The following ANKRD62 variants were observed in gnomAD, a reference collection of about 807,000 sequenced individuals.
ANKRD62 encodes ankyrin repeat domain 62, also known as ankyrin repeat domain-containing protein 62.
Under a neutral mutation model 98.8 loss-of-function variants are expected in ANKRD62, and 61 were observed. The observed-to-expected ratio is 0.62, with a 90% CI of 0.50 to 0.76. The LOEUF is 0.76. Ranked by LOEUF, ANKRD62 falls within the 30% of genes least tolerant of loss-of-function variation. The pLI is 0.00. For missense variants in ANKRD62, 933 were observed against 1,082.9 expected (o/e 0.86, Z 1.94); for synonymous variants, 341 against 367.9 (o/e 0.93, Z 0.84).
chr18:12,102,414 A>T, intron 6 of ANKRD62: 1 of 515,418 alleles, frequency 1.9e-6, no homozygotes. Flanking sequence ...GTTCGCAGCA[A>T]CAGAGCTCAG....
intron 8 of ANKRD62, among the ~76,000 whole-genome samples, chr18:12,108,439 A>G (rs968694030): frequency 1.3e-5 from 2 of 152,076 alleles, no homozygotes; most frequent in African/African-American, 4.8e-5. Flanking sequence ...CACTATCACA[A>G]GAACAGCATG....
chr18:12,158,966 T>C, the ANKRD62 span, among the ~76,000 whole-genome samples: 5 of 152,326 alleles, frequency 3.3e-5, no homozygotes, highest in South Asian at 2.1e-4. Flanking sequence ...TTTTAAAATA[T>C]GGGGCCTAGT....
At chr18:12,160,014 C>T in the ANKRD62 span, among the ~76,000 whole-genome samples, 6 of 152,070 alleles carry the variant, frequency 3.9e-5, no homozygotes, top group Non-Finnish European at 5.9e-5. Context: ...AGGAATGGAA[C>T]GTGATCTTTC....
chr18:12,115,211 A>G, intron 9 of ANKRD62, 90 bp downstream of exon 9: 5 of 1,313,914 alleles, frequency 3.8e-6, no homozygotes, highest in Non-Finnish European at 5.0e-6. Context: ...CTGTAAAGAC[A>G]TTGACTTTGA....
intron 8 of ANKRD62, among the ~76,000 whole-genome samples, chr18:12,111,338 A>G (rs1714730378): frequency 6.6e-6 from 1 of 152,200 alleles, no homozygotes; most frequent in Non-Finnish European, 1.5e-5. Flanking sequence ...CAATAGATTC[A>G]GAAATGTCTT....
downstream of ANKRD62, among the ~76,000 whole-genome samples, chr18:12,134,149 G>C (rs140854672): frequency 4.3e-3 from 648 of 152,262 alleles, 3 homozygotes; most frequent in African/African-American, 0.014. Flanking sequence ...GCTTTCCTCA[G>C]GAGCACTGGC....
chr18:12,154,636 A>C, the ANKRD62 span, among the ~76,000 whole-genome samples: 2 of 152,210 alleles, frequency 1.3e-5, no homozygotes, highest in South Asian at 4.1e-4. Flanking sequence ...CCAGAGAAAT[A>C]TAAAGCATTC....
rs1909934509 is a variant in ANKRD62 at position 12,128,270 on chromosome 18, T to G, written c.*331T>G. On this transcript the variant is annotated 3_prime_UTR_variant, in exon 14 of 14. Transcript: ENST00000587848. Reference sequence around the variant, plus strand: ...TGGAATGTTTCAGAAAATTTTCTTTTTTTAATCTCTACTTTTCTGTGTGAA... The same window carrying G: ...TGGAATGTTTCAGAAAATTTTCTTTGTTTAATCTCTACTTTTCTGTGTGAA... The G allele has an allele frequency of 6.4e-6, 1 of 155,568 alleles. No individual in the cohort carries two copies. Among genetic ancestry groups the G allele is most frequent in the Non-Finnish European group, 1.4e-5 (1 of 70,412 alleles). The allele number at this position is 155,568 out of a possible 1,614,324, so 9.6% of individuals were successfully genotyped here. A position where few individuals can be genotyped will look rare whatever the true frequency, so the allele number is the denominator to read the frequency against.
chr18:12,104,502 A>G (rs914405571), intron 7 of ANKRD62, among the ~76,000 whole-genome samples: 1 of 152,100 alleles, frequency 6.6e-6, no homozygotes, highest in African/African-American at 2.4e-5. Context: ...TATATACAAG[A>G]CTCCCTTATG....
At chr18:12,132,698 A>G (rs908136175), downstream of ANKRD62, among the ~76,000 whole-genome samples, 13 of 152,024 alleles carry the variant, frequency 8.6e-5, no homozygotes, top group African/African-American at 2.2e-4. Flanking sequence ...AAAATGTTCA[A>G]TTTTCTCAAA....
chr18:12,133,384 A>C (rs1015087744), downstream of ANKRD62, among the ~76,000 whole-genome samples: 1 of 152,186 alleles, frequency 6.6e-6, no homozygotes, highest in Non-Finnish European at 1.5e-5. Context: ...ATATGTGGAC[A>C]TATGTTCCTC....
At chr18:12,121,750 C>T (rs1162919162) in intron 10 of ANKRD62, among the ~76,000 whole-genome samples, 1 of 152,212 alleles carries the variant, frequency 6.6e-6, no homozygotes, top group Non-Finnish European at 1.5e-5. Context: ...TGACGACCAT[C>T]TTCATTATCT....
At chr18:12,154,859 A>G in the ANKRD62 span, among the ~76,000 whole-genome samples, 1 of 152,224 alleles carries the variant, frequency 6.6e-6, no homozygotes, top group Admixed American at 6.5e-5. Flanking sequence ...TTAACAAACT[A>G]ATGCAGGAAC....
At chr18:12,111,913 C>T (rs1394099940) in intron 8 of ANKRD62, among the ~76,000 whole-genome samples, 1 of 151,918 alleles carries the variant, frequency 6.6e-6, no homozygotes, top group African/African-American at 2.4e-5. Context: ...AGTTTGAAAC[C>T]AGCCTGGCCA....
At chr18:12,156,291 G>A in the ANKRD62 span, among the ~76,000 whole-genome samples, 6 of 152,184 alleles carry the variant, frequency 3.9e-5, no homozygotes, top group African/African-American at 1.2e-4. Context: ...GTATTTTTCT[G>A]TAGCAACATG....
At chr18:12,102,305 A>G (rs1396862645) in intron 6 of ANKRD62, 1 of 721,480 alleles carries the variant, frequency 1.4e-6, no homozygotes, top group East Asian at 2.6e-5. Flanking sequence ...GGGAACCAGA[A>G]TGGTGGCTTG....
downstream of ANKRD62, among the ~76,000 whole-genome samples, chr18:12,133,706 A>G (rs1024006575): frequency 6.6e-6 from 1 of 152,096 alleles, no homozygotes; most frequent in Non-Finnish European, 1.5e-5. Context: ...TCCTTTGACC[A>G]TGTTTTAATT....
chr18:12,115,075 GTT>G lies in ANKRD62; in HGVS notation c.1065-4_1065-3del. ...CTATTTGCCTGATTGGAATTTTTTG[GTT>G]TTTTTTTTAGGCTTGCAAGGAAAAC... On this transcript the variant is annotated splice_polypyrimidine_tract_variant and intron_variant, in intron 8 of 13. Coordinates refer to ENST00000587848, the MANE Select transcript of ANKRD62 (RefSeq NM_001277333.2). 9.2e-6 allele frequency: 11 copies of G among 1,198,658 alleles called. No homozygotes were observed. Among genetic ancestry groups the G allele is most frequent in the South Asian group, 4.3e-5 (2 of 46,252 alleles). The allele number at this position is 1,198,658 out of a possible 1,614,324, so 74.3% of individuals were successfully genotyped here. A position where few individuals can be genotyped will look rare whatever the true frequency, so the allele number is the denominator to read the frequency against.
Position 12,125,538 on chromosome 18 carries a change from C to G in ANKRD62, c.1717C>G (p.Leu573Val). The G allele has an allele frequency of 1.3e-6, 2 of 1,513,520 alleles. No individual in the cohort carries two copies. Among genetic ancestry groups the G allele is most frequent in the South Asian group, 2.6e-5 (2 of 78,298 alleles). 93.8% of individuals were successfully genotyped at this position (1,513,520 alleles called of 1,614,324 possible). A position where few individuals can be genotyped will look rare whatever the true frequency, so the allele number is the denominator to read the frequency against. ...LMRDEIARLR[L>V]EIDTIKHQNQ... is the part of the protein sequence containing the mutation. Reference sequence around the variant, plus strand: ...GCGGGATGAAATTGCCAGACTCAGGCTGGAAATAGACACAATAAAACATCA... The same window carrying G: ...GCGGGATGAAATTGCCAGACTCAGGGTGGAAATAGACACAATAAAACATCA... The change falls in exon 13 of 14, where the codon CTG becomes GTG. Residue 573 changes from leucine to valine, a missense_variant. This residue lies in a region of ANKRD62 where 362 missense variants were observed against 434.5 expected (regional missense o/e 0.83). Transcript: ENST00000587848.
Sources: allele counts gnomAD v4.1 joint callset (sites outside exome capture counted in the v4.1 genomes callset), GRCh38; gene constraint gnomAD v4.1.1; regional missense constraint gnomAD v4.1.1; transcripts MANE v1.5; gene names NCBI Gene and HGNC (gene_info 2026-07-23, HGNC 2026-07-21).